SPCS2: variants seen among roughly 807,000 people sequenced by gnomAD.
The protein encoded by SPCS2 is SPase 25 kDa subunit.
A neutral mutation model predicts 22.3 loss-of-function variants in SPCS2; 3 were observed. The ratio of observed to expected loss-of-function variants is 0.13; its 90% CI spans 0.06 to 0.35. The LOEUF is 0.35. Among genes scored for constraint, SPCS2 ranks in the 10% least tolerant of loss-of-function variants. The probability of loss-of-function intolerance (pLI) is 1.00; values close to 1 mark genes in which losing one functional copy is unlikely to be tolerated. For missense variants in SPCS2, 169 were observed against 280.9 expected, an observed-to-expected ratio of 0.60 and a Z score of 2.85; for synonymous variants, 67 against 97.2, an observed-to-expected ratio of 0.69 and a Z score of 1.83.
chr11:74,962,301 A>G (rs1294803949), intron 1 of SPCS2, among the ~76,000 whole-genome samples: 1 of 152,198 alleles, frequency 6.6e-6, no homozygotes, highest in Non-Finnish European at 1.5e-5. Flanking sequence ...GAGGGAATGT[A>G]TTTATATCAG....
chr11:74,973,119 A>G (rs1948596208), intron 4 of SPCS2, among the ~76,000 whole-genome samples: 1 of 152,156 alleles, frequency 6.6e-6, no homozygotes, highest in African/African-American at 2.4e-5. Flanking sequence ...GCAGACTGCA[A>G]GTGGTGGCTG....
chr11:74,953,295 C>T (rs1194133875), intron 1 of SPCS2, among the ~76,000 whole-genome samples: 11 of 151,562 alleles, frequency 7.3e-5, no homozygotes, highest in Admixed American at 7.2e-4. Flanking sequence ...CAGGTTCAAA[C>T]AATTCTCCTG....
chr11:74,958,755 C>T (rs990053342), intron 1 of SPCS2, among the ~76,000 whole-genome samples: 1 of 152,036 alleles, frequency 6.6e-6, no homozygotes, highest in Non-Finnish European at 1.5e-5. Context: ...TATAACTAGT[C>T]TGTTACTAAG....
chr11:74,961,592 A>G (rs1425544678), intron 1 of SPCS2, among the ~76,000 whole-genome samples: 1 of 142,466 alleles, frequency 7.0e-6, no homozygotes, highest in East Asian at 1.9e-4. Context: ...CCCAGGCTAG[A>G]GTGCAATGGC....
At chr11:74,966,522 T>A (rs1948546793) in intron 3 of SPCS2, among the ~76,000 whole-genome samples, 1 of 152,222 alleles carries the variant, frequency 6.6e-6, no homozygotes, top group East Asian at 1.9e-4. Flanking sequence ...TTTATAAATA[T>A]GGGTAGCATT....
chr11:74,968,774 C>T (rs1948562217), intron 3 of SPCS2, among the ~76,000 whole-genome samples: 1 of 152,140 alleles, frequency 6.6e-6, no homozygotes, highest in East Asian at 1.9e-4. Flanking sequence ...ATCTGCCCAC[C>T]TCAGCCTCCC....
chr11:74,963,624 G>A (rs1279487225), intron 1 of SPCS2: 2 of 437,736 alleles, frequency 4.6e-6, no homozygotes, highest in African/African-American at 2.0e-5. Flanking sequence ...TGCCCAGGCT[G>A]GACTCGAGCT....
At chr11:74,973,425 A>G (rs1056806220) in intron 4 of SPCS2, among the ~76,000 whole-genome samples, 3 of 151,824 alleles carry the variant, frequency 2.0e-5, no homozygotes, top group African/African-American at 7.3e-5. Flanking sequence ...CTTTCTTCCC[A>G]TTATCCTGTT....
chr11:74,969,781 T>G (rs1464905661), intron 4 of SPCS2, 82 bp downstream of exon 4: 1 of 1,487,234 alleles, frequency 6.7e-7, no homozygotes, highest in Admixed American at 1.7e-5. Flanking sequence ...AGACTTATTA[T>G]GTGCCTACTC....
At chr11:74,954,957 C>T (rs924459589) in intron 1 of SPCS2, among the ~76,000 whole-genome samples, 1 of 152,060 alleles carries the variant, frequency 6.6e-6, no homozygotes, top group Non-Finnish European at 1.5e-5. Flanking sequence ...TGGCCCATAG[C>T]ACATGGAAAG....
intron 4 of SPCS2, among the ~76,000 whole-genome samples, chr11:74,974,031 A>G (rs1434902353): frequency 1.3e-5 from 2 of 150,778 alleles, no homozygotes; most frequent in African/African-American, 4.9e-5. Flanking sequence ...TTCTTGTGCT[A>G]TCACCTGGAT....
chr11:74,962,886 G>A (rs1948522243), intron 1 of SPCS2, among the ~76,000 whole-genome samples: 1 of 152,186 alleles, frequency 6.6e-6, no homozygotes, highest in Non-Finnish European at 1.5e-5. Context: ...TCAATACATT[G>A]TAATGGCTGC....
chr11:74,960,440 G>A (rs138924801), intron 1 of SPCS2, among the ~76,000 whole-genome samples: 33 of 151,202 alleles, frequency 2.2e-4, no homozygotes, highest in Admixed American at 1.4e-3. Context: ...TTTTACATTG[G>A]GGGGGGAGGT....
intron 1 of SPCS2, among the ~76,000 whole-genome samples, chr11:74,953,722 G>A (rs771535591): frequency 1.3e-4 from 20 of 152,084 alleles, no homozygotes; most frequent in African/African-American, 3.4e-4. Flanking sequence ...TAATCTTTCC[G>A]CCTCCATCAC....
chr11:74,965,993 C>T, intron 3 of SPCS2, 70 bp downstream of exon 3: 2 of 1,434,938 alleles, frequency 1.4e-6, no homozygotes, highest in Non-Finnish European at 1.9e-6. Context: ...TTTCTCCCTA[C>T]AAAAAACAAA....
chr11:74,968,792 T>G, intron 3 of SPCS2, among the ~76,000 whole-genome samples: 1 of 152,178 alleles, frequency 6.6e-6, no homozygotes, highest in East Asian at 1.9e-4. Flanking sequence ...CCCAAAGTGC[T>G]GGGATTACAG....
chr11:74,967,965 A>G (rs1343494050), intron 3 of SPCS2, among the ~76,000 whole-genome samples: 4 of 152,084 alleles, frequency 2.6e-5, no homozygotes, highest in African/African-American at 9.7e-5. Context: ...CCTAGACTGC[A>G]TATATCCTTC....
intron 4 of SPCS2, 33 bp downstream of exon 4, chr11:74,969,732 G>C (rs1266663440): frequency 6.2e-7 from 1 of 1,612,870 alleles, no homozygotes; most frequent in Non-Finnish European, 8.5e-7. Flanking sequence ...TTAAATCCTG[G>C]TGTTGGATTT....
chr11:74,972,473 T>C (rs1401904768), intron 4 of SPCS2, among the ~76,000 whole-genome samples: 1 of 152,222 alleles, frequency 6.6e-6, no homozygotes, highest in Admixed American at 6.5e-5. Flanking sequence ...TCCTCCAAAG[T>C]GTGAGCTCCT....
Sources: allele counts gnomAD v4.1 joint callset (sites outside exome capture counted in the v4.1 genomes callset), GRCh38; gene constraint gnomAD v4.1.1; transcripts MANE v1.5; gene names NCBI Gene and HGNC (gene_info 2026-07-23, HGNC 2026-07-21).